Variants in SAXO1 observed in about 807,000 individuals in gnomAD.
SAXO1 encodes the protein stabilizer of axonemal microtubules 1.
In SAXO1, 21 loss-of-function variants were observed where a neutral mutation model predicts 17.5. The observed-to-expected ratio is 1.20, with a 90% CI of 0.85 to 1.72. The LOEUF is 1.72. Ranked by LOEUF, SAXO1 falls within the 40% of genes most tolerant of loss-of-function variation. SAXO1 has a pLI of 0.00. For missense variants in SAXO1, 843 were observed against 596.0 expected (o/e 1.41, Z -4.32); for synonymous variants, 274 against 216.5 (o/e 1.27, Z -2.33).
At chr9:19,013,540 A>ATTT (rs1219136885) in intron 1 of SAXO1, among the ~76,000 whole-genome samples, 2,129 of 93,136 alleles carry the variant, frequency 0.023, 107 homozygotes, top group African/African-American at 0.049. Context: ...AAAAGTACGG[A>ATTT]TTTTTTTTTT....
In SAXO1 at chr9:18,941,361, G is replaced by A. The variant is rs191548513; in HGVS notation, c.421+276C>T. ...TGCGTAAATGAATGAATATGGCTGC[G>A]TTCCAATAAAACATGAACACTGAAT... On this transcript the variant is annotated intron_variant, in intron 3 of 3. Coordinates refer to ENST00000380534, the MANE Select transcript of SAXO1 (RefSeq NM_153707.4). 1.3e-3 allele frequency among the ~76,000 whole-genome samples: 202 copies of A among 152,090 alleles called. 2 individuals are homozygous for A. In the South Asian group the frequency reaches 0.033, roughly 24 times the overall value.
intron 1 of SAXO1, among the ~76,000 whole-genome samples, chr9:19,004,574 G>T (rs889712992): frequency 1.3e-5 from 2 of 152,150 alleles, no homozygotes; most frequent in East Asian, 3.9e-4. Context: ...CATGGACATG[G>T]ATGAAGCTGG....
intron 1 of SAXO1, among the ~76,000 whole-genome samples, chr9:19,022,706 C>T (rs141641486): frequency 6.6e-6 from 1 of 152,120 alleles, no homozygotes. Flanking sequence ...AATTTGTTAA[C>T]ATTAGAATGA....
upstream of SAXO1, among the ~76,000 whole-genome samples, chr9:19,037,544 ATCC>A (rs1391945743): frequency 6.6e-6 from 1 of 152,192 alleles, no homozygotes; most frequent in African/African-American, 2.4e-5. Context: ...CCGCTTTTGC[ATCC>A]TCCTCATTTT....
At chr9:18,999,462 T>G (rs1427947128) in intron 1 of SAXO1, among the ~76,000 whole-genome samples, 1 of 150,664 alleles carries the variant, frequency 6.6e-6, no homozygotes, top group Non-Finnish European at 1.5e-5. Flanking sequence ...CCCCACCATC[T>G]GGCAAGTGAG....
At chr9:19,008,016 G>A (rs367655447) in intron 1 of SAXO1, among the ~76,000 whole-genome samples, 7 of 149,848 alleles carry the variant, frequency 4.7e-5, no homozygotes, top group African/African-American at 1.7e-4. Flanking sequence ...CACCCAGTCT[G>A]GAGTACAGTG....
At chr9:18,985,192 T>C (rs1833545269) in intron 1 of SAXO1, among the ~76,000 whole-genome samples, 1 of 152,158 alleles carries the variant, frequency 6.6e-6, no homozygotes, top group African/African-American at 2.4e-5. Context: ...ATCAGTTGTT[T>C]GCTGTCTTAT....
chr9:19,001,079 A>G (rs1047579628), intron 1 of SAXO1, among the ~76,000 whole-genome samples: 1 of 152,194 alleles, frequency 6.6e-6, no homozygotes, highest in Non-Finnish European at 1.5e-5. Flanking sequence ...TCAGCTCTGG[A>G]CCAAGCAGAC....
chr9:19,027,200 C>T (rs887023837), intron 1 of SAXO1: 9 of 1,183,472 alleles, frequency 7.6e-6, no homozygotes, highest in East Asian at 2.4e-5. Context: ...AGAGGAAGGA[C>T]AAGTGTGCTG....
chr9:18,965,693 T>C (rs370563029), intron 1 of SAXO1, among the ~76,000 whole-genome samples: 23 of 152,108 alleles, frequency 1.5e-4, no homozygotes, highest in East Asian at 5.8e-4. Context: ...GTCTTGACTC[T>C]ATCCAATTTG....
Position 18,950,712 on chromosome 9 carries a change from A to G in SAXO1, c.218+46T>C, listed in dbSNP as rs542754967. 92 of 1,534,952 alleles carry G rather than the reference A, an allele frequency of 6.0e-5. No individual in the cohort carries two copies. The South Asian group carries it at 9.8e-4, about 16-fold the overall frequency. On this transcript the variant is annotated intron_variant, in intron 2 of 3. Coordinates refer to ENST00000380534, the MANE Select transcript of SAXO1 (RefSeq NM_153707.4). ...ATACATTAGCACTGCATGTTACTCC[A>G]TTAGTGTTGTATGTACCTGCATACA...
intron 1 of SAXO1, among the ~76,000 whole-genome samples, chr9:19,029,839 C>T (rs1308741311): frequency 2.6e-5 from 4 of 152,164 alleles, no homozygotes; most frequent in Non-Finnish European, 5.9e-5. Flanking sequence ...CAGTACATCT[C>T]TAAATCTTAC....
At chr9:18,953,626 C>A (rs991429100) in intron 1 of SAXO1, among the ~76,000 whole-genome samples, 1 of 152,126 alleles carries the variant, frequency 6.6e-6, no homozygotes, top group Admixed American at 6.6e-5. Flanking sequence ...CTACCTGCAC[C>A]ATGAATGCCC....
chr9:18,966,749 C>T (rs899249783), intron 1 of SAXO1, among the ~76,000 whole-genome samples: 8 of 152,176 alleles, frequency 5.3e-5, no homozygotes, highest in African/African-American at 1.7e-4. Flanking sequence ...TCTGTCAATT[C>T]GTCAAACTCA....
intron 1 of SAXO1, among the ~76,000 whole-genome samples, chr9:18,967,420 G>A (rs902052401): frequency 6.6e-6 from 1 of 152,220 alleles, no homozygotes; most frequent in Non-Finnish European, 1.5e-5. Context: ...TGGGGCTGTT[G>A]CCTTTCTTTC....
Position 18,928,935 on chromosome 9 carries a change from C to T in SAXO1, c.542G>A (p.Gly181Asp), listed in dbSNP as rs991717765. Reference protein sequence around the residue: ...TTHQDDYPIKGLVKTISCKPL... With the variant: ...TTHQDDYPIKDLVKTISCKPL... ...TTTACAGCTTATGGTCTTCACAAGG[C>T]CTTTTATGGGGTAATCGTCCTGGTG... Residue 181 changes from glycine (G) to aspartate (D), a missense_variant, in exon 4 of 4, where the codon GGC (glycine) becomes GAC (aspartate). By Grantham distance (94) the Gly-to-Asp change is moderately conservative (BLOSUM62 -1). Coordinates refer to ENST00000380534, the MANE Select transcript of SAXO1 (RefSeq NM_153707.4). The T allele has an allele frequency of 1.2e-6, 2 of 1,614,038 alleles. No homozygotes were observed. Among genetic ancestry groups the T allele is most frequent in the African/African-American group, 1.3e-5 (1 of 74,892 alleles).
At chr9:18,959,120 G>C (rs992848953) in intron 1 of SAXO1, among the ~76,000 whole-genome samples, 3 of 152,188 alleles carry the variant, frequency 2.0e-5, no homozygotes, top group African/African-American at 7.2e-5. Context: ...CAAGGACTCA[G>C]TGCTGAAGAA....
chr9:18,994,656 G>A (rs1480522882), intron 1 of SAXO1, among the ~76,000 whole-genome samples: 1 of 152,222 alleles, frequency 6.6e-6, no homozygotes, highest in East Asian at 1.9e-4. Context: ...GGGCTCAGCA[G>A]GAGCACTCTG....
intron 1 of SAXO1, among the ~76,000 whole-genome samples, chr9:18,973,280 T>A (rs898485533): frequency 1.3e-5 from 2 of 152,202 alleles, no homozygotes; most frequent in African/African-American, 2.4e-5. Context: ...TTGTGCATAT[T>A]TATGTACAAC....
Sources: allele counts gnomAD v4.1 joint callset (sites outside exome capture counted in the v4.1 genomes callset), GRCh38; gene constraint gnomAD v4.1.1; transcripts MANE v1.5; gene names NCBI Gene and HGNC (gene_info 2026-07-23, HGNC 2026-07-21).